The following FAM20C variants were observed in gnomAD, a reference collection of about 807,000 sequenced individuals.
FAM20C encodes extracellular serine/threonine protein kinase FAM20C.
A neutral mutation model predicts 51.5 loss-of-function variants in FAM20C; 40 were observed. The ratio of observed to expected loss-of-function variants is 0.78; its 90% CI spans 0.60 to 1.01. FAM20C has a LOEUF of 1.01. Among genes scored for constraint, FAM20C ranks in the 50% least tolerant of loss-of-function variants. The probability of loss-of-function intolerance (pLI) is 0.00; values close to 1 mark genes in which losing one functional copy is unlikely to be tolerated. For synonymous variants in FAM20C, 406 were observed against 380.6 expected (o/e 1.07, Z -0.78); for missense variants, 861 against 844.7 (o/e 1.02, Z -0.24).
intron 2 of FAM20C, among the ~76,000 whole-genome samples, chr7:204,640 G>A (rs1183866927): frequency 6.6e-6 from 1 of 152,246 alleles, no homozygotes; most frequent in African/African-American, 2.4e-5. Context: ...ACTCAGGGAA[G>A]AGACACGGCA....
intron 3 of FAM20C, among the ~76,000 whole-genome samples, chr7:226,428 C>T (rs186320052): frequency 7.2e-5 from 11 of 152,314 alleles, no homozygotes; most frequent in African/African-American, 2.6e-4. Context: ...CCTAGTCACC[C>T]TCACAAGAGT....
intron 3 of FAM20C, among the ~76,000 whole-genome samples, chr7:242,192 G>A (rs1290641331): frequency 2.0e-5 from 3 of 152,164 alleles, no homozygotes; most frequent in African/African-American, 2.4e-5. Context: ...GTGTGTGCCC[G>A]TCCCGCAACA....
At chr7:213,022 A>T (rs897973059) in intron 3 of FAM20C, among the ~76,000 whole-genome samples, 1 of 152,192 alleles carries the variant, frequency 6.6e-6, no homozygotes, top group African/African-American at 2.4e-5. Context: ...CTTGATATTC[A>T]TAAGTTACTT....
chr7:208,063 C>T (rs1302415225), intron 2 of FAM20C, among the ~76,000 whole-genome samples: 2 of 152,216 alleles, frequency 1.3e-5, no homozygotes, highest in Non-Finnish European at 2.9e-5. Flanking sequence ...CCCAAAGTCA[C>T]CCTGCTCAGG....
At chr7:199,144 G>A (rs1047728463) in intron 2 of FAM20C, among the ~76,000 whole-genome samples, 7 of 152,346 alleles carry the variant, frequency 4.6e-5, no homozygotes, top group Admixed American at 1.3e-4. Flanking sequence ...TGCTGACCCC[G>A]CTTGCTGCTG....
rs1430301262 is a variant in FAM20C at position 195,587 on chromosome 7, C to A, written c.639C>A (p.Leu213=). ...CGGGTGCTGAAGGTGCAGAATTCCT[C>A]TCCCCCGGGGAGGCGGCCGTGGACT... ...PHAGAEGAEF[L]SPGEAAVDSY... is the part of the protein sequence containing the mutation. The change falls in exon 2 of 10, where the codon CTC becomes CTA. Residue 213 remains leucine (L), a synonymous_variant. Coordinates refer to ENST00000313766, the MANE Select transcript of FAM20C (RefSeq NM_020223.4). 6.3e-7 allele frequency: 1 copy of A among 1,596,214 alleles called. No individual in the cohort carries two copies.
chr7:203,972 A>G (rs182514348), intron 2 of FAM20C, among the ~76,000 whole-genome samples: 3 of 152,348 alleles, frequency 2.0e-5, no homozygotes, highest in Admixed American at 1.3e-4. Context: ...CTTCGTTATT[A>G]TCTTACTAAA....
intron 3 of FAM20C, among the ~76,000 whole-genome samples, chr7:227,010 G>C (rs563338007): frequency 1.3e-5 from 2 of 152,218 alleles, no homozygotes; most frequent in South Asian, 2.1e-4. Flanking sequence ...CGGCTGTTCC[G>C]ATTAGGCCTT....
chr7:216,629 G>A (rs776419028), intron 3 of FAM20C, among the ~76,000 whole-genome samples: 7,835 of 67,688 alleles, frequency 0.12, 240 homozygotes, highest in Non-Finnish European at 0.16. Flanking sequence ...ATGAGTGTGT[G>A]TGAGTGTGTG....
chr7:231,223 G>C (rs1057213793), intron 3 of FAM20C, among the ~76,000 whole-genome samples: 1 of 152,154 alleles, frequency 6.6e-6, no homozygotes, highest in Non-Finnish European at 1.5e-5. Context: ...GGTCTGTTCC[G>C]GGGCAGCGAG....
chr7:210,138 G>A (rs192810583), intron 3 of FAM20C, among the ~76,000 whole-genome samples: 103 of 152,366 alleles, frequency 6.8e-4, no homozygotes, highest in Middle Eastern at 3.4e-3. Context: ...AGAGCTCAGG[G>A]CCTGGGGCTG....
In FAM20C at chr7:195,614, C is replaced by G. The variant is rs754010880; in HGVS notation, c.666C>G (p.Ser222=). Residue 222 remains serine, a synonymous_variant, in exon 2 of 10, where the codon TCC becomes TCG. Transcript: ENST00000313766. Reference sequence around the variant, plus strand: ...CCCCCGGGGAGGCGGCCGTGGACTCCTATCCCAACTGGCTCAAGTTCCACA... The same window carrying G: ...CCCCCGGGGAGGCGGCCGTGGACTCGTATCCCAACTGGCTCAAGTTCCACA... The part of the protein sequence containing the change: ...FLSPGEAAVD[S]YPNWLKFHIG... 3.5e-5 allele frequency: 57 copies of G among 1,609,500 alleles called. No homozygotes were observed. Among genetic ancestry groups the G allele is most frequent in the Middle Eastern group, 1.6e-4 (1 of 6,076 alleles).
intron 3 of FAM20C, among the ~76,000 whole-genome samples, chr7:210,054 C>T (rs1407862748): frequency 3.9e-5 from 6 of 152,196 alleles, no homozygotes; most frequent in African/African-American, 1.4e-4. Flanking sequence ...TGAGCCCGGG[C>T]CGAGGGCATC....
chr7:257,331 G>T, intron 8 of FAM20C: 1 of 541,554 alleles, frequency 1.8e-6, no homozygotes, highest in Non-Finnish European at 3.3e-6. Flanking sequence ...CGGCAGAGCT[G>T]GTGTTACCTG....
chr7:193,896 C>T, intron 1 of FAM20C, 92 bp downstream of exon 1: 1 of 1,432,878 alleles, frequency 7.0e-7, no homozygotes, highest in Non-Finnish European at 9.2e-7. Context: ...GGGCCGCCCC[C>T]CATGGAAGAG....
chr7:235,490 G>A (rs1787820438), intron 3 of FAM20C, among the ~76,000 whole-genome samples: 1 of 152,036 alleles, frequency 6.6e-6, no homozygotes. Context: ...ATTCCACCCT[G>A]CACATAGTCA....
chr7:258,548 G>T, intron 8 of FAM20C, 98 bp from the exon 9 acceptor site: 1 of 1,234,810 alleles, frequency 8.1e-7, no homozygotes, highest in African/African-American at 1.5e-5. Context: ...CTGGGGTGTC[G>T]GGTACAGGCA....
At chr7:211,211 C>T (rs1229602448) in intron 3 of FAM20C, among the ~76,000 whole-genome samples, 1 of 148,456 alleles carries the variant, frequency 6.7e-6, no homozygotes, top group African/African-American at 2.5e-5. Flanking sequence ...CAACCTCCCT[C>T]AGCCTCCCCT....
Position 195,651 on chromosome 7 carries a change from C to T in FAM20C, c.703C>T (p.Arg235Trp), listed in dbSNP as rs963699043. 10 of 1,611,330 alleles carry T rather than the reference C, an allele frequency of 6.2e-6. No individual in the cohort carries two copies. Among genetic ancestry groups the T allele is most frequent in the South Asian group, 3.3e-5 (3 of 90,712 alleles). The change falls in exon 2 of 10, where the codon CGG (arginine) becomes TGG (tryptophan). Residue 235 changes from arginine to tryptophan, a missense_variant. Coordinates refer to ENST00000313766, the MANE Select transcript of FAM20C (RefSeq NM_020223.4). ...NWLKFHIGIN[R>W]YELYSRHNPA... ...GCTCAAGTTCCACATTGGTATCAAC[C>T]GGTACGAGCTGTACTCCAGACACAA...
Sources: gnomAD v4.1 joint callset for allele counts (sites outside exome capture counted in the v4.1 genomes callset) on GRCh38, gnomAD v4.1.1 for gene constraint, MANE v1.5 for transcripts, NCBI Gene and HGNC (gene_info 2026-07-23, HGNC 2026-07-21) for gene names.